REEP1: variants seen among roughly 807,000 people sequenced by gnomAD.
REEP1 encodes receptor expression-enhancing protein 1.
In REEP1, 22 loss-of-function variants were observed where a neutral mutation model predicts 40.3. That is an observed-to-expected ratio of 0.55 (90% CI 0.39 to 0.78). REEP1 has a LOEUF of 0.78. Among genes scored for constraint, REEP1 ranks in the 30% least tolerant of loss-of-function variants. The pLI is 0.00. For missense variants in REEP1, 280 were observed against 361.1 expected, an observed-to-expected ratio of 0.78 and a Z score of 1.82; for synonymous variants, 116 against 139.2, an observed-to-expected ratio of 0.83 and a Z score of 1.17.
intron 4 of REEP1, among the ~76,000 whole-genome samples, chr2:86,253,220 G>A (rs1676379523): frequency 6.6e-6 from 1 of 152,184 alleles, no homozygotes; most frequent in African/African-American, 2.4e-5. Flanking sequence ...GGCAGAGGTT[G>A]CAGTGAGCCG....
intron 5 of REEP1, among the ~76,000 whole-genome samples, chr2:86,236,674 A>T (rs1401866347): frequency 6.6e-6 from 1 of 152,130 alleles, no homozygotes; most frequent in Non-Finnish European, 1.5e-5. Flanking sequence ...GACATCGCTA[A>T]GTCACCAGAA....
At position 86,215,999 on chromosome 2, in the gene REEP1, G is replaced by C. The variant is rs1674093244; in HGVS notation, c.*1040C>G. ...ATGTTATGGCATATCTGAAACAGCA[G>C]AGTTCTCAGTTTTTTGTGTGTTTGT... On this transcript the variant is annotated 3_prime_UTR_variant, in exon 9 of 9. Coordinates refer to ENST00000538924, the MANE Select transcript of REEP1 (RefSeq NM_001371279.1). 6.6e-6 allele frequency: 1 copy of C among 152,218 alleles called. No homozygotes were observed. The highest frequency in any genetic ancestry group is 2.4e-5 in the African/African-American group (1 of 41,448). 9.4% of individuals were successfully genotyped at this position (152,218 alleles called of 1,614,324 possible).
At chr2:86,222,596 C>T (rs1401047774) in intron 7 of REEP1, among the ~76,000 whole-genome samples, 1 of 152,210 alleles carries the variant, frequency 6.6e-6, no homozygotes, top group African/African-American at 2.4e-5. Flanking sequence ...TTGTATTTCC[C>T]TCTTTGCAGT....
chr2:86,318,452 G>A (rs1283670761), intron 1 of REEP1, among the ~76,000 whole-genome samples: 4 of 148,854 alleles, frequency 2.7e-5, no homozygotes, highest in Non-Finnish European at 5.9e-5. Context: ...AGGCTGGAGT[G>A]CAGTGGTATG....
At chr2:86,328,836 T>A (rs72926443) in intron 1 of REEP1, among the ~76,000 whole-genome samples, 3,706 of 152,184 alleles carry the variant, frequency 0.024, 154 homozygotes, top group African/African-American at 0.083. Context: ...GGTGAGCACT[T>A]TTGGGCTCTG....
chr2:86,305,143 C>G (rs1169164480), intron 1 of REEP1, among the ~76,000 whole-genome samples: 2 of 152,076 alleles, frequency 1.3e-5, no homozygotes, highest in Non-Finnish European at 2.9e-5. Context: ...GAGAGACAGA[C>G]AGACACAGAA....
chr2:86,245,207 A>G (rs150641261), intron 5 of REEP1, among the ~76,000 whole-genome samples: 1 of 152,140 alleles, frequency 6.6e-6, no homozygotes, highest in Non-Finnish European at 1.5e-5. Flanking sequence ...TACTGTTGGG[A>G]AAAGGGCTTG....
chr2:86,218,162 G>A (rs1032640881), intron 8 of REEP1, among the ~76,000 whole-genome samples: 1 of 152,040 alleles, frequency 6.6e-6, no homozygotes, highest in East Asian at 1.9e-4. Flanking sequence ...TTCTGCAAAG[G>A]TTTCCCGGAG....
chr2:86,295,828 C>T (rs575660817), intron 1 of REEP1, among the ~76,000 whole-genome samples: 3 of 152,242 alleles, frequency 2.0e-5, no homozygotes, highest in African/African-American at 4.8e-5. Flanking sequence ...CGTGAGCCAC[C>T]GCGCCCAGCC....
At chr2:86,306,188 C>T (rs970758659) in intron 1 of REEP1, among the ~76,000 whole-genome samples, 3 of 151,986 alleles carry the variant, frequency 2.0e-5, no homozygotes, top group African/African-American at 7.3e-5. Context: ...TCTTGCAATC[C>T]AGCCCATACC....
At chr2:86,232,511 G>T in intron 6 of REEP1, 114 bp downstream of exon 6, 4 of 1,255,140 alleles carry the variant, frequency 3.2e-6, no homozygotes, top group Non-Finnish European at 3.4e-6. Context: ...ACACCCCGTT[G>T]GTGGCAGGTC....
At chr2:86,332,537 C>T (rs1244842960) in intron 1 of REEP1, among the ~76,000 whole-genome samples, 1 of 151,810 alleles carries the variant, frequency 6.6e-6, no homozygotes, top group African/African-American at 2.4e-5. Context: ...CAAAGAGGAC[C>T]TGAGTCCCCC....
At chr2:86,282,929 C>G (rs1040018903) in intron 1 of REEP1, among the ~76,000 whole-genome samples, 7 of 152,212 alleles carry the variant, frequency 4.6e-5, no homozygotes, top group African/African-American at 1.7e-4. Context: ...TTCCACCTGC[C>G]CTCATTCTCT....
chr2:86,234,433 G>T (rs554738395), intron 5 of REEP1, among the ~76,000 whole-genome samples: 1 of 152,126 alleles, frequency 6.6e-6, no homozygotes, highest in Non-Finnish European at 1.5e-5. Context: ...TGGGAGGACC[G>T]CCTGAGCCCA....
chr2:86,326,236 C>T (rs7590278), intron 1 of REEP1, among the ~76,000 whole-genome samples: 3,701 of 152,234 alleles, frequency 0.024, 153 homozygotes, highest in African/African-American at 0.083. Context: ...CTTTATATCC[C>T]TGGTGGCTGG....
intron 1 of REEP1, among the ~76,000 whole-genome samples, chr2:86,290,954 T>C (rs1040801066): frequency 2.0e-5 from 3 of 152,250 alleles, no homozygotes; most frequent in African/African-American, 7.2e-5. Context: ...CTATGCATTT[T>C]GGTTCCCTAA....
At position 86,217,091 on chromosome 2, in the gene REEP1, C is replaced by A. The variant is rs370270332; in HGVS notation, c.803G>T (p.Arg268Leu). ...LPLEAPPRIL[R>L]SRFRKKSTSS... ...GGTACTTTTCTTCCTGAAGCGAGATCGAAGGATTCTAGGCGGTGCCTGGTA... is the reference window on the plus strand; with the variant it reads ...GGTACTTTTCTTCCTGAAGCGAGATAGAAGGATTCTAGGCGGTGCCTGGTA... The change falls in exon 9 of 9, where the codon CGA (arginine) becomes CTA (leucine). Residue 268 changes from arginine (R) to leucine (L), a missense_variant. By Grantham distance (102) the Arg-to-Leu change is moderately radical. Transcript: ENST00000538924. 1 of 1,614,022 alleles carries A rather than the reference C, an allele frequency of 6.2e-7. No individual in the cohort carries two copies.
chr2:86,264,106 G>A, intron 2 of REEP1, 65 bp from the exon 3 acceptor site: 1 of 1,263,252 alleles, frequency 7.9e-7, no homozygotes, highest in South Asian at 1.2e-5. Flanking sequence ...CCAACACCAG[G>A]AAGAACAGGC....
At chr2:86,278,005 T>G (rs1395197726) in intron 2 of REEP1, among the ~76,000 whole-genome samples, 1 of 152,212 alleles carries the variant, frequency 6.6e-6, no homozygotes, top group Non-Finnish European at 1.5e-5. Flanking sequence ...CATTTCAACA[T>G]TTCTGATTGC....
Sources: allele counts gnomAD v4.1 joint callset (sites outside exome capture counted in the v4.1 genomes callset), GRCh38; gene constraint gnomAD v4.1.1; transcripts MANE v1.5; gene names NCBI Gene and HGNC (gene_info 2026-07-23, HGNC 2026-07-21).